Variants in ZIM2 observed in about 807,000 individuals in gnomAD.
ZIM2 encodes zinc finger imprinted 2, also known as zinc finger protein 656.
In ZIM2, 14 loss-of-function variants were observed where a neutral mutation model predicts 38.6. That is an observed-to-expected ratio of 0.36 (90% CI 0.24 to 0.57). The LOEUF (loss-of-function observed/expected upper bound fraction) is 0.57. ZIM2 is among the 20% of genes least tolerant of loss of function. The pLI is 0.81. For missense variants in ZIM2, 680 were observed against 695.1 expected (o/e 0.98, Z 0.24); for synonymous variants, 247 against 245.8 (o/e 1.00, Z -0.04).
rs187251665 is a variant in ZIM2, at chr19:56,779,902, C to G, written c.740-430G>C. Among the ~76,000 whole-genome samples the G allele has an allele frequency of 2.0e-3, 301 of 152,328 alleles. 2 individuals carry two copies. Among genetic ancestry groups the G allele is most frequent in the African/African-American group, 7.1e-3 (294 of 41,574 alleles). ...AGTCAACATTATGGTTCTTTTCCCT[C>G]CTGGGATAACGTCCACTGCCCCTTT... On this transcript the variant is annotated intron_variant, in intron 11 of 12. Coordinates refer to ENST00000629319, the MANE Select transcript of ZIM2 (RefSeq NM_001387356.1).
intron 9 of ZIM2, chr19:56,817,057 C>T: frequency 6.2e-7 from 1 of 1,614,206 alleles, no homozygotes; most frequent in Non-Finnish European, 8.5e-7. Flanking sequence ...TGAGATGACA[C>T]TGAACGACCT....
intron 9 of ZIM2, among the ~76,000 whole-genome samples, chr19:56,790,429 G>T (rs1346542384): frequency 6.6e-6 from 1 of 152,112 alleles, no homozygotes; most frequent in Non-Finnish European, 1.5e-5. Flanking sequence ...TGCCATTCTG[G>T]TGATGAAATC....
At chr19:56,828,411 A>G (rs1215378672) in intron 2 of ZIM2, among the ~76,000 whole-genome samples, 1 of 152,204 alleles carries the variant, frequency 6.6e-6, no homozygotes, top group Non-Finnish European at 1.5e-5. Flanking sequence ...TCCACTTCTG[A>G]AATCTAACTC....
chr19:56,810,583 T>G, intron 9 of ZIM2: 1 of 930,606 alleles, frequency 1.1e-6, no homozygotes, highest in South Asian at 5.0e-5. Flanking sequence ...ATATTTGTAA[T>G]GGAAAATACA....
rs1288519095 is a variant in ZIM2, at chr19:56,818,425, T to C, written c.397+175A>G. 2.0e-5 allele frequency among the ~76,000 whole-genome samples: 3 copies of C among 152,234 alleles called. No individual in the cohort carries two copies. The East Asian group carries it at 5.8e-4, about 29-fold the overall frequency. Reference sequence around the variant, plus strand: ...CTTTACCCAAAGCCAGAGGCATTTCTTAAAAACACAAATTTTATCATTTAC... The same window carrying C: ...CTTTACCCAAAGCCAGAGGCATTTCCTAAAAACACAAATTTTATCATTTAC... On this transcript the variant is annotated intron_variant, in intron 8 of 12. Transcript: ENST00000629319.
At chr19:56,786,415 T>C (rs1040510143) in intron 10 of ZIM2, among the ~76,000 whole-genome samples, 2 of 152,148 alleles carry the variant, frequency 1.3e-5, no homozygotes, top group African/African-American at 4.8e-5. Flanking sequence ...CGTTGGTGAA[T>C]AAACAAACAG....
intron 2 of ZIM2, among the ~76,000 whole-genome samples, chr19:56,828,268 T>G (rs538888972): frequency 6.6e-6 from 1 of 152,170 alleles, no homozygotes; most frequent in East Asian, 1.9e-4. Flanking sequence ...TAGAAAACCC[T>G]AAAGAATCAA....
chr19:56,836,229 T>C (rs1458746796), intron 1 of ZIM2, 125 bp from the exon 2 acceptor site: 1 of 362,522 alleles, frequency 2.8e-6, no homozygotes, highest in Admixed American at 3.3e-5. Context: ...AATGAGACCA[T>C]GAAAAGCATC....
In ZIM2 at chr19:56,814,399, G is replaced by C; in HGVS notation, c.490+3347C>G. The C allele has an allele frequency of 6.2e-7, 1 of 1,613,870 alleles. No individual in the cohort carries two copies. The highest frequency in any genetic ancestry group is 8.5e-7 in the Non-Finnish European group (1 of 1,179,748). On this transcript the variant is annotated intron_variant, in intron 9 of 12. Transcript: ENST00000629319. This position sits in a 1 kb window ranked among gnomAD's most constrained non-coding sequence, Gnocchi z 5.8. ...TTCCAGATGAAGCTCCTTATGTTTA[G>C]TGAGGACTGTGCTATGAATAAAGGA...
intron 10 of ZIM2, among the ~76,000 whole-genome samples, chr19:56,786,112 T>G (rs1166676831): frequency 6.6e-6 from 1 of 152,180 alleles, no homozygotes; most frequent in Non-Finnish European, 1.5e-5. Flanking sequence ...ATTTGCTGAT[T>G]CTGGATATTT....
chr19:56,805,083 C>A (rs2047692743), intron 9 of ZIM2, among the ~76,000 whole-genome samples: 1 of 152,194 alleles, frequency 6.6e-6, no homozygotes, highest in Non-Finnish European at 1.5e-5. Flanking sequence ...CAGGGTTTTT[C>A]AGCCTTGGCT....
intron 2 of ZIM2, chr19:56,833,871 C>T (rs2061818355): frequency 6.5e-6 from 1 of 152,778 alleles, no homozygotes. Context: ...AACCTCCACC[C>T]TCTGGTCTGT....
intron 9 of ZIM2, among the ~76,000 whole-genome samples, chr19:56,801,998 C>T (rs1437789498): frequency 1.3e-5 from 2 of 152,092 alleles, no homozygotes; most frequent in Non-Finnish European, 2.9e-5. Context: ...AGAAAGGATC[C>T]TAAAGACCTA....
chr19:56,779,240 A>G lies in ZIM2; in HGVS notation c.835+137T>C, dbSNP rs966151473. 7.4e-5 allele frequency: 54 copies of G among 726,540 alleles called. 1 individual carries two copies. In the Middle Eastern group the frequency reaches 1.2e-3, roughly 17 times the overall value. 45.0% of individuals were successfully genotyped at this position (726,540 alleles called of 1,614,324 possible). On this transcript the variant is annotated intron_variant, in intron 12 of 12. Coordinates refer to ENST00000629319, the MANE Select transcript of ZIM2 (RefSeq NM_001387356.1). ...GCTGCATGAAGAGATGGGCTTCAGA[A>G]AGGAGACCAAGGGGAGTACTGAGGA...
chr19:56,833,782 T>C (rs1192159620), intron 2 of ZIM2: 1 of 152,938 alleles, frequency 6.5e-6, no homozygotes, highest in African/African-American at 2.4e-5. Flanking sequence ...AAGGTACATA[T>C]GGGACATAGG....
chr19:56,793,296 T>G (rs893009707), intron 9 of ZIM2: 1 of 152,674 alleles, frequency 6.5e-6, no homozygotes, highest in Non-Finnish European at 1.5e-5. Context: ...GTTTCTTCTC[T>G]TGACCACACA....
intron 10 of ZIM2, among the ~76,000 whole-genome samples, chr19:56,789,497 A>G (rs1252302276): frequency 6.6e-6 from 1 of 152,230 alleles, no homozygotes; most frequent in African/African-American, 2.4e-5. Context: ...AAAGGGGAAC[A>G]ATAATAATGC....
chr19:56,802,629 G>A (rs561683168), intron 9 of ZIM2, among the ~76,000 whole-genome samples: 3 of 152,194 alleles, frequency 2.0e-5, no homozygotes, highest in Non-Finnish European at 4.4e-5. Context: ...CTCAGTCCTG[G>A]ATCTAAAAGA....
At chr19:56,790,398 A>G (rs892372541) in intron 9 of ZIM2, among the ~76,000 whole-genome samples, 6 of 152,318 alleles carry the variant, frequency 3.9e-5, no homozygotes, top group African/African-American at 1.2e-4. Context: ...GAAATAAATA[A>G]TTCATATGTT....
Sources: allele counts gnomAD v4.1 joint callset (sites outside exome capture counted in the v4.1 genomes callset), GRCh38; gene constraint gnomAD v4.1.1; non-coding constraint Gnocchi (gnomAD v3.1); transcripts MANE v1.5; gene names NCBI Gene and HGNC (gene_info 2026-07-23, HGNC 2026-07-21).